SPON1: variants seen among roughly 807,000 people sequenced by gnomAD.
SPON1 encodes the protein spondin-1.
A neutral mutation model predicts 111.7 loss-of-function variants in SPON1; 52 were observed. The observed-to-expected ratio is 0.47, with a 90% confidence interval of 0.37 to 0.59. The LOEUF (loss-of-function observed/expected upper bound fraction) is 0.59. Among genes scored for constraint, SPON1 ranks in the 20% least tolerant of loss-of-function variants. The pLI, the probability that SPON1 is intolerant of heterozygous loss-of-function variation, is 0.00. For missense variants in SPON1, 957 were observed against 1,068.5 expected (o/e 0.90, Z 1.46); for synonymous variants, 410 against 395.8 (o/e 1.04, Z -0.43).
chr11:13,992,619 C>A (rs4639915), intron 2 of SPON1, among the ~76,000 whole-genome samples: 7,003 of 152,222 alleles, frequency 0.046, 527 homozygotes, highest in African/African-American at 0.16. Flanking sequence ...AAGAAAAGAA[C>A]TCCTGCAGCT....
chr11:14,189,479 C>T (rs949955486), intron 6 of SPON1, among the ~76,000 whole-genome samples: 3 of 152,118 alleles, frequency 2.0e-5, no homozygotes, highest in South Asian at 2.1e-4. Context: ...CCCTCGGAGG[C>T]AAATCTCAGC....
At chr11:14,185,030 C>T (rs1554933951) in intron 6 of SPON1, among the ~76,000 whole-genome samples, 1 of 152,208 alleles carries the variant, frequency 6.6e-6, no homozygotes, top group Non-Finnish European at 1.5e-5. Context: ...ACCCAGCTCT[C>T]CTGTGTAAGA....
intron 15 of SPON1, among the ~76,000 whole-genome samples, chr11:14,264,552 G>A (rs533180033): frequency 4.9e-4 from 74 of 152,318 alleles, no homozygotes; most frequent in African/African-American, 1.7e-3. Flanking sequence ...TGATGGTTCA[G>A]GATCCTTATG....
At chr11:14,143,151 G>C (rs536663814) in intron 6 of SPON1, among the ~76,000 whole-genome samples, 1 of 152,270 alleles carries the variant, frequency 6.6e-6, no homozygotes, top group Non-Finnish European at 1.5e-5. Flanking sequence ...CCTGGGCAAT[G>C]GTGCCCCCTG....
intron 6 of SPON1, among the ~76,000 whole-genome samples, chr11:14,193,720 C>T (rs2133893189): frequency 6.6e-6 from 1 of 152,274 alleles, no homozygotes; most frequent in East Asian, 1.9e-4. Flanking sequence ...CCTGGAATCC[C>T]TGAGGCAGTG....
chr11:13,981,621 C>T (rs181493531), intron 1 of SPON1, among the ~76,000 whole-genome samples: 30 of 152,298 alleles, frequency 2.0e-4, no homozygotes, highest in African/African-American at 2.2e-4. Context: ...CCACCGTGCC[C>T]GGCCGAGCTA....
intron 5 of SPON1, among the ~76,000 whole-genome samples, chr11:14,087,160 T>A (rs1427298700): frequency 6.6e-6 from 1 of 152,198 alleles, no homozygotes; most frequent in African/African-American, 2.4e-5. Flanking sequence ...TCTGCTCTGA[T>A]GTTAGTTATT....
At chr11:14,159,832 C>G (rs1334536677) in intron 6 of SPON1, among the ~76,000 whole-genome samples, 3 of 123,702 alleles carry the variant, frequency 2.4e-5, no homozygotes, top group Middle Eastern at 7.1e-3. Context: ...ATCTAAAAAT[C>G]AAAACAATTG....
At chr11:14,160,482 TATATATATATATTTAC>T (rs1376764867) in intron 6 of SPON1, among the ~76,000 whole-genome samples, 1 of 9,318 alleles carries the variant, frequency 1.1e-4, no homozygotes, top group Non-Finnish European at 1.8e-4. Context: ...TATATATATT[TATATATATATATTTAC>T]ATATATATAT....
chr11:14,256,502 A>G (rs782052047), intron 9 of SPON1, 115 bp from the exon 10 acceptor site: 2 of 667,950 alleles, frequency 3.0e-6, no homozygotes, highest in East Asian at 2.7e-5. Flanking sequence ...GAACTTTGCC[A>G]TGGCATACGA....
At position 14,259,713 on chromosome 11, in the gene SPON1, C is replaced by T. The variant is rs782819227; in HGVS notation, c.1831+12C>T. 17 of 1,565,238 alleles carry T rather than the reference C, an allele frequency of 1.1e-5. No homozygotes were observed. The highest frequency in any genetic ancestry group is 6.8e-5 in the African/African-American group (5 of 73,802). On this transcript the variant is annotated intron_variant, in intron 13 of 15. Transcript: ENST00000576479. The surrounding 1 kb of genome is among the most constrained non-coding windows in gnomAD (Gnocchi z 5.0). The stretch of plus-strand genomic sequence containing the variant: ...GATGCCAGAGTGCCGTGAGTGAGAG[C>T]GGGGGTGGACTTGGAGGAGGCCACT...
At chr11:14,087,120 A>C (rs1849013090) in intron 5 of SPON1, among the ~76,000 whole-genome samples, 1 of 146,916 alleles carries the variant, frequency 6.8e-6, no homozygotes, top group Non-Finnish European at 1.5e-5. Flanking sequence ...GATTTTTTTT[A>C]AGGGTTTCCA....
At chr11:14,062,001 G>A (rs1458868721) in intron 3 of SPON1, among the ~76,000 whole-genome samples, 1 of 152,178 alleles carries the variant, frequency 6.6e-6, no homozygotes, top group Non-Finnish European at 1.5e-5. Flanking sequence ...ATGGGATGTG[G>A]GAGAGCTTGG....
intron 7 of SPON1, among the ~76,000 whole-genome samples, chr11:14,252,143 C>A (rs1849059983): frequency 6.6e-6 from 1 of 152,222 alleles, no homozygotes; most frequent in Admixed American, 6.5e-5. Context: ...CCACTGGACA[C>A]CTAGGTCCTG....
At chr11:14,157,668 A>T (rs1200610368) in intron 6 of SPON1, among the ~76,000 whole-genome samples, 1 of 151,906 alleles carries the variant, frequency 6.6e-6, no homozygotes, top group Non-Finnish European at 1.5e-5. Flanking sequence ...TTAATTATAT[A>T]TATGTTCAAC....
intron 3 of SPON1, among the ~76,000 whole-genome samples, chr11:14,059,018 A>G (rs1350056332): frequency 6.6e-6 from 1 of 152,194 alleles, no homozygotes; most frequent in Non-Finnish European, 1.5e-5. Flanking sequence ...TTCTATAACT[A>G]GAGGGGTAAA....
intron 9 of SPON1, 61 bp from the exon 10 acceptor site, chr11:14,256,556 T>C: frequency 7.7e-6 from 9 of 1,171,796 alleles, no homozygotes; most frequent in South Asian, 2.6e-5. Context: ...TCTTTCACCT[T>C]CCCCCTACAC....
intron 2 of SPON1, among the ~76,000 whole-genome samples, chr11:13,996,344 C>T (rs73420226): frequency 0.018 from 2,780 of 152,250 alleles, 86 homozygotes; most frequent in African/African-American, 0.063. Context: ...TTAAAATTGC[C>T]GTGTGAAAAG....
intron 6 of SPON1, among the ~76,000 whole-genome samples, chr11:14,176,716 C>T (rs1848180563): frequency 2.0e-5 from 3 of 152,132 alleles, no homozygotes; most frequent in Admixed American, 1.3e-4. Context: ...CGGCAGTGCC[C>T]CACCAGTAGA....
Sources: gnomAD v4.1 joint callset for allele counts (sites outside exome capture counted in the v4.1 genomes callset) on GRCh38, gnomAD v4.1.1 for gene constraint, Gnocchi (gnomAD v3.1) non-coding constraint, MANE v1.5 for transcripts, NCBI Gene and HGNC (gene_info 2026-07-23, HGNC 2026-07-21) for gene names.